AKT3: variants seen among roughly 807,000 people sequenced by gnomAD.
The protein encoded by AKT3 is AKT serine/threonine kinase 3.
A neutral mutation model predicts 65.3 loss-of-function variants in AKT3; 15 were observed. The ratio of observed to expected loss-of-function variants is 0.23; its 90% CI spans 0.15 to 0.35. AKT3 has a LOEUF of 0.35. AKT3 is among the 10% of genes least tolerant of loss of function. AKT3 has a pLI of 1.00. For missense variants in AKT3, 243 were observed against 576.5 expected (o/e 0.42, Z 5.92); for synonymous variants, 206 against 183.8 (o/e 1.12, Z -0.98).
chr1:243,798,382 G>A (rs1692165069), intron 2 of AKT3, among the ~76,000 whole-genome samples: 1 of 138,806 alleles, frequency 7.2e-6, no homozygotes, highest in African/African-American at 2.6e-5. Flanking sequence ...ACTACACCTG[G>A]CTAATTTTTA....
chr1:243,745,806 T>C lies in AKT3; in HGVS notation c.47-50090A>G, dbSNP rs540374120. Among the ~76,000 whole-genome samples, 119 of 152,346 alleles carry C rather than the reference T, an allele frequency of 7.8e-4. 1 individual carries two copies. Among genetic ancestry groups the C allele is most frequent in the African/African-American group, 2.8e-3 (116 of 41,582 alleles). On this transcript the variant is annotated intron_variant, in intron 2 of 13. Transcript: ENST00000673466. Reference sequence around the variant, plus strand: ...ACCATTCTGCTGCTCATTTTATCACTGGCACTAGGAATGGAGGTTTTATTA... The same window carrying C: ...ACCATTCTGCTGCTCATTTTATCACCGGCACTAGGAATGGAGGTTTTATTA...
At position 243,810,587 on chromosome 1, in the gene AKT3, T is replaced by A. The variant is rs561082943; in HGVS notation, c.46+32538A>T. ...ACCAGACGGATTCACAGCCGAATTCTACCAGAGGTACAAGGAAGAGCTGGC... is the reference window on the plus strand; with the variant it reads ...ACCAGACGGATTCACAGCCGAATTCAACCAGAGGTACAAGGAAGAGCTGGC... On this transcript the variant is annotated intron_variant, in intron 2 of 13. Coordinates refer to ENST00000673466, the MANE Select transcript of AKT3 (RefSeq NM_005465.7). Among the ~76,000 whole-genome samples, 5 of 152,314 alleles carry A rather than the reference T, an allele frequency of 3.3e-5. No homozygotes were observed. The South Asian group carries it at 6.2e-4, about 19-fold the overall frequency.
At chr1:243,661,525 C>T (rs1682330967) in intron 4 of AKT3, among the ~76,000 whole-genome samples, 1 of 150,044 alleles carries the variant, frequency 6.7e-6, no homozygotes, top group Non-Finnish European at 1.5e-5. Context: ...AAACTGGATC[C>T]CTTCCTTACA....
chr1:243,564,632 C>A (rs954275737), intron 9 of AKT3, among the ~76,000 whole-genome samples: 2 of 152,040 alleles, frequency 1.3e-5, no homozygotes, highest in African/African-American at 2.4e-5. Flanking sequence ...CCAGCCAGTT[C>A]CCCTCGAGCT....
At chr1:243,548,073 C>G (rs1004677165) in intron 11 of AKT3, 52 of 152,192 alleles carry the variant, frequency 3.4e-4, no homozygotes, top group African/African-American at 1.3e-3. Flanking sequence ...AAGATCAGTG[C>G]TGGATTATCC....
At chr1:243,547,606 G>A (rs1273907190) in intron 11 of AKT3, among the ~76,000 whole-genome samples, 1 of 152,116 alleles carries the variant, frequency 6.6e-6, no homozygotes, top group African/African-American at 2.4e-5. Context: ...ATTAGTTGAG[G>A]AGCATACTAA....
At chr1:243,495,143 A>G (rs1022546967), downstream of AKT3, among the ~76,000 whole-genome samples, 1 of 152,218 alleles carries the variant, frequency 6.6e-6, no homozygotes, top group African/African-American at 2.4e-5. Context: ...GTTGGGAAGG[A>G]ACCCTTGGGC....
chr1:243,695,670 T>C lies in AKT3; in HGVS notation c.93A>G (p.Thr31=). 1 of 1,608,814 alleles carries C rather than the reference T, an allele frequency of 6.2e-7. No individual in the cohort carries two copies. The part of the protein sequence containing the change: ...NWRPRYFLLK[T]DGSFIGYKEK... Reference sequence around the variant, plus strand: ...CTTTATATCCTATGAATGAGCCATCTGTCTTCAAAAGGAAGTATCTTGGCC... The same window carrying C: ...CTTTATATCCTATGAATGAGCCATCCGTCTTCAAAAGGAAGTATCTTGGCC... Residue 31 remains threonine (T), a synonymous_variant, in exon 3 of 14, where the codon ACA becomes ACG. Coordinates refer to ENST00000673466, the MANE Select transcript of AKT3 (RefSeq NM_005465.7).
At chr1:243,726,570 G>T (rs971498485) in intron 2 of AKT3, among the ~76,000 whole-genome samples, 9 of 152,078 alleles carry the variant, frequency 5.9e-5, no homozygotes, top group East Asian at 1.9e-4. Context: ...TCAGTCTGTG[G>T]TTGCTCAACT....
intron 10 of AKT3, among the ~76,000 whole-genome samples, chr1:243,558,995 C>A (rs1396917158): frequency 1.3e-5 from 2 of 151,976 alleles, no homozygotes; most frequent in Non-Finnish European, 2.9e-5. Flanking sequence ...AGCTGAGACT[C>A]TAAATAATTA....
intron 2 of AKT3, among the ~76,000 whole-genome samples, chr1:243,710,666 AC>A (rs979699813): frequency 6.6e-6 from 1 of 152,184 alleles, no homozygotes; most frequent in Admixed American, 6.5e-5. Flanking sequence ...GTAAAGAACC[AC>A]CACCTACATC....
chr1:243,765,901 G>A (rs2148259802), intron 2 of AKT3, among the ~76,000 whole-genome samples: 1 of 152,216 alleles, frequency 6.6e-6, no homozygotes, highest in African/African-American at 2.4e-5. Flanking sequence ...TTTACCTACT[G>A]CCACAGAAAA....
chr1:243,730,405 C>T (rs114515538), intron 2 of AKT3, among the ~76,000 whole-genome samples: 1,717 of 152,300 alleles, frequency 0.011, 11 homozygotes, highest in Non-Finnish European at 0.018. Context: ...AATTCGGGAC[C>T]CACCCAACAG....
intron 9 of AKT3, among the ~76,000 whole-genome samples, chr1:243,566,385 C>T (rs138962359): frequency 3.3e-4 from 50 of 152,246 alleles, no homozygotes; most frequent in African/African-American, 1.1e-3. Context: ...GAATGCAGGA[C>T]GTGTAGTGCT....
At chr1:243,750,756 A>G (rs561412910) in intron 2 of AKT3, among the ~76,000 whole-genome samples, 1 of 151,798 alleles carries the variant, frequency 6.6e-6, no homozygotes, top group African/African-American at 2.4e-5. Context: ...TAATTTTGGT[A>G]TTTTTAGTAG....
chr1:243,739,671 A>ATTGTCTT (rs1688038358), intron 2 of AKT3: 6 of 152,164 alleles, frequency 3.9e-5, no homozygotes, highest in African/African-American at 1.4e-4. Flanking sequence ...AAAGCCCCTC[A>ATTGTCTT]ACCACGTCCT....
At chr1:243,638,744 CT>C (rs939471824) in intron 5 of AKT3, among the ~76,000 whole-genome samples, 13 of 151,088 alleles carry the variant, frequency 8.6e-5, no homozygotes, top group Non-Finnish European at 1.2e-4. Flanking sequence ...CCTTTTATAA[CT>C]TTTTTTTTCT....
chr1:243,836,237 T>A (rs1191744711), intron 2 of AKT3, among the ~76,000 whole-genome samples: 1 of 151,466 alleles, frequency 6.6e-6, no homozygotes, highest in African/African-American at 2.4e-5. Flanking sequence ...AAATCAGGAG[T>A]TACTATATTA....
At chr1:243,836,898 G>A (rs6699821) in intron 2 of AKT3, among the ~76,000 whole-genome samples, 113,142 of 144,960 alleles carry the variant, frequency 0.78, 44,956 homozygotes, top group Non-Finnish European at 0.86. Context: ...GTGACAGAGC[G>A]AGACTCCATC....
Sources: gnomAD v4.1 joint callset for allele counts (sites outside exome capture counted in the v4.1 genomes callset) on GRCh38, gnomAD v4.1.1 for gene constraint, MANE v1.5 for transcripts, NCBI Gene and HGNC (gene_info 2026-07-23, HGNC 2026-07-21) for gene names.